Variants in NMNAT2 observed in about 807,000 individuals in gnomAD.
NMNAT2 encodes the protein nicotinamide/nicotinic acid mononucleotide adenylyltransferase 2.
NMNAT2 carries 11 observed loss-of-function variants against 41.6 expected under a neutral mutation model. The observed-to-expected ratio is 0.26, with a 90% CI of 0.17 to 0.44. The LOEUF (loss-of-function observed/expected upper bound fraction) is 0.44. NMNAT2 is among the 20% of genes least tolerant of loss of function. The pLI is 1.00. For missense variants in NMNAT2, 288 were observed against 407.7 expected (o/e 0.71, Z 2.53); for synonymous variants, 148 against 151.2 (o/e 0.98, Z 0.16).
At chr1:183,394,765 G>A (rs1231160270) in intron 1 of NMNAT2, among the ~76,000 whole-genome samples, 1 of 152,186 alleles carries the variant, frequency 6.6e-6, no homozygotes, top group Non-Finnish European at 1.5e-5. Flanking sequence ...ATCTCAATGA[G>A]GTCCTCTGCC....
At chr1:183,304,244 G>A (rs1478726968) in intron 1 of NMNAT2, among the ~76,000 whole-genome samples, 5 of 152,218 alleles carry the variant, frequency 3.3e-5, no homozygotes, top group Non-Finnish European at 4.4e-5. Context: ...AAGGCATGAA[G>A]ATATGATATT....
intron 5 of NMNAT2, among the ~76,000 whole-genome samples, chr1:183,286,285 T>A (rs1661396347): frequency 6.6e-6 from 1 of 151,732 alleles, no homozygotes; most frequent in Non-Finnish European, 1.5e-5. Flanking sequence ...ACAGGTGGGG[T>A]TTCGTCATGT....
Position 183,286,759 on chromosome 1 carries a change from G to A in NMNAT2, c.351C>T (p.Val117=), listed in dbSNP as rs776942567. The change falls in exon 5 of 11, where the codon GTC becomes GTT. Residue 117 remains valine, a synonymous_variant. Transcript: ENST00000287713. ...KRVTGCILSN[V]NTPSMTPVIG... ...TCACAGGTGTCATGGAAGGTGTGTT[G>A]ACATTGGAGAGGATGCAGCCAGTCA... The A allele has an allele frequency of 6.2e-7, 1 of 1,611,138 alleles. No homozygotes were observed. The highest frequency in any genetic ancestry group is 1.3e-5 in the African/African-American group (1 of 74,902).
At chr1:183,387,858 C>T (rs573029818) in intron 1 of NMNAT2, among the ~76,000 whole-genome samples, 9 of 152,320 alleles carry the variant, frequency 5.9e-5, no homozygotes, top group African/African-American at 2.2e-4. Context: ...ACACTGGTGG[C>T]CTTCCTGTTT....
chr1:183,321,992 ATT>A, intron 1 of NMNAT2, among the ~76,000 whole-genome samples: 1 of 145,180 alleles, frequency 6.9e-6, no homozygotes, highest in South Asian at 2.2e-4. Flanking sequence ...CTAATTTAAA[ATT>A]TTTTTTTTTT....
At chr1:183,413,377 T>A (rs1005661958) in intron 1 of NMNAT2, among the ~76,000 whole-genome samples, 1 of 151,986 alleles carries the variant, frequency 6.6e-6, no homozygotes, top group Non-Finnish European at 1.5e-5. Flanking sequence ...CATGTCCTCC[T>A]GTTTTTGGTC....
chr1:183,296,907 T>C (rs1291038386), intron 1 of NMNAT2, among the ~76,000 whole-genome samples: 2 of 152,126 alleles, frequency 1.3e-5, no homozygotes, highest in Non-Finnish European at 2.9e-5. Flanking sequence ...TCTATTCTGA[T>C]ATTTGAAGAA....
intron 1 of NMNAT2, among the ~76,000 whole-genome samples, chr1:183,389,739 A>T (rs964890567): frequency 1.5e-4 from 1 of 6,530 alleles, no homozygotes; most frequent in Non-Finnish European, 3.0e-4. Context: ...CTGTCAAAAA[A>T]GAAAGAAAGA....
chr1:183,253,120 A>G (rs1660433850), intron 10 of NMNAT2, among the ~76,000 whole-genome samples: 1 of 151,922 alleles, frequency 6.6e-6, no homozygotes, highest in Non-Finnish European at 1.5e-5. Flanking sequence ...TGTATTCACT[A>G]TTCTTTTTTC....
At chr1:183,306,273 A>G (rs1206704050) in intron 1 of NMNAT2, among the ~76,000 whole-genome samples, 1 of 152,178 alleles carries the variant, frequency 6.6e-6, no homozygotes, top group Non-Finnish European at 1.5e-5. Flanking sequence ...TGAATATGTT[A>G]TCTTAACATG....
chr1:183,363,519 C>G (rs1663347483), intron 1 of NMNAT2, among the ~76,000 whole-genome samples: 1 of 151,786 alleles, frequency 6.6e-6, no homozygotes, highest in Admixed American at 6.6e-5. Context: ...AGGCAGGGCC[C>G]CCAATTGGAA....
At chr1:183,282,378 A>G (rs1461110674) in intron 7 of NMNAT2, among the ~76,000 whole-genome samples, 1 of 152,218 alleles carries the variant, frequency 6.6e-6, no homozygotes, top group Non-Finnish European at 1.5e-5. Flanking sequence ...CCGTGAGCTA[A>G]TGGAAGTGAA....
In NMNAT2 at chr1:183,385,615, A is replaced by G. The variant is rs1256326754; in HGVS notation, c.85+32568T>C. Among the ~76,000 whole-genome samples the G allele has an allele frequency of 2.6e-5, 4 of 151,252 alleles. No homozygotes were observed. The East Asian group carries it at 7.7e-4, about 29-fold the overall frequency. On this transcript the variant is annotated intron_variant, in intron 1 of 10. Transcript: ENST00000287713. ...AGCCTGGAATTTTTTTTTTTTTTCC[A>G]GAAAATCCTCCACATTTAAACTATA... is the stretch of plus-strand genomic sequence containing the variant.
At chr1:183,331,697 G>A (rs912715612) in intron 1 of NMNAT2, among the ~76,000 whole-genome samples, 1 of 152,192 alleles carries the variant, frequency 6.6e-6, no homozygotes, top group Non-Finnish European at 1.5e-5. Context: ...GGTAATGCAG[G>A]ACCTTCCCTC....
intron 1 of NMNAT2, among the ~76,000 whole-genome samples, chr1:183,312,694 C>A (rs1158092886): frequency 6.6e-6 from 1 of 152,100 alleles, no homozygotes; most frequent in Non-Finnish European, 1.5e-5. Context: ...CCAAGTATCC[C>A]TCAGGATATC....
chr1:183,316,387 T>C (rs1662250830), intron 1 of NMNAT2, among the ~76,000 whole-genome samples: 1 of 152,180 alleles, frequency 6.6e-6, no homozygotes, highest in Non-Finnish European at 1.5e-5. Context: ...GGCTGGCCCC[T>C]CTGTCTCCTG....
intron 1 of NMNAT2, among the ~76,000 whole-genome samples, chr1:183,415,078 C>T (rs1021712935): frequency 2.9e-4 from 44 of 152,294 alleles, no homozygotes; most frequent in African/African-American, 1.0e-3. Flanking sequence ...CAGGCTTCCA[C>T]CTCAGCCATC....
chr1:183,321,093 G>A (rs1662348139), intron 1 of NMNAT2, among the ~76,000 whole-genome samples: 1 of 152,198 alleles, frequency 6.6e-6, no homozygotes, highest in South Asian at 2.1e-4. Context: ...TTTAGGGGCA[G>A]TTGCAATTCG....
intron 1 of NMNAT2, among the ~76,000 whole-genome samples, chr1:183,412,644 G>T (rs1365633543): frequency 6.6e-6 from 1 of 152,236 alleles, no homozygotes; most frequent in Non-Finnish European, 1.5e-5. Context: ...TTGCACCAGG[G>T]ATGTAGATGG....
Sources: allele counts gnomAD v4.1 joint callset (sites outside exome capture counted in the v4.1 genomes callset), GRCh38; gene constraint gnomAD v4.1.1; transcripts MANE v1.5; gene names NCBI Gene and HGNC (gene_info 2026-07-23, HGNC 2026-07-21).